The following CACNB2 variants were observed in gnomAD, a reference collection of about 807,000 sequenced individuals.
The protein encoded by CACNB2 is calcium voltage-gated channel auxiliary subunit beta 2, also known as voltage-dependent L-type calcium channel subunit beta-2.
CACNB2 carries 42 observed loss-of-function variants against 73.3 expected under a neutral mutation model. The observed-to-expected ratio is 0.57, with a 90% CI of 0.45 to 0.74. The LOEUF (loss-of-function observed/expected upper bound fraction) is 0.74, where lower values mean the gene tolerates loss of function less well. Ranked by LOEUF, CACNB2 falls within the 30% of genes least tolerant of loss-of-function variation. The pLI is 0.00. For synonymous variants in CACNB2, 348 were observed against 310.3 expected, an observed-to-expected ratio of 1.12 and a Z score of -1.28; for missense variants, 940 against 853.0, an observed-to-expected ratio of 1.10 and a Z score of -1.27.
intron 2 of CACNB2, among the ~76,000 whole-genome samples, chr10:18,326,501 C>T (rs2040594831): frequency 6.6e-6 from 1 of 152,178 alleles, no homozygotes; most frequent in Non-Finnish European, 1.5e-5. Flanking sequence ...AAACAGAGTT[C>T]CTCCTTCATC....
chr10:18,158,957 A>C (rs115163762), intron 2 of CACNB2, among the ~76,000 whole-genome samples: 1,677 of 152,028 alleles, frequency 0.011, 31 homozygotes, highest in African/African-American at 0.038. Flanking sequence ...ATGAGGGGGG[A>C]GGTAGAGGAG....
intron 3 of CACNB2, among the ~76,000 whole-genome samples, chr10:18,492,519 G>A (rs1033381572): frequency 6.6e-6 from 1 of 150,916 alleles, no homozygotes; most frequent in Non-Finnish European, 1.5e-5. Context: ...TACTTGGGAG[G>A]CTGAGGCAAG....
intron 7 of CACNB2, among the ~76,000 whole-genome samples, chr10:18,517,633 GAC>G (rs1333889753): frequency 6.6e-6 from 1 of 152,108 alleles, no homozygotes; most frequent in Non-Finnish European, 1.5e-5. Context: ...TTCCCTCGAA[GAC>G]ACATAAACCT....
intron 3 of CACNB2, among the ~76,000 whole-genome samples, chr10:18,462,084 G>A (rs540134570): frequency 9.9e-5 from 15 of 152,184 alleles, no homozygotes; most frequent in East Asian, 9.7e-4. Context: ...CCATGCACAC[G>A]AACTTCTTGC....
chr10:18,141,464 A>C (rs2030396343), intron 1 of CACNB2, among the ~76,000 whole-genome samples: 3 of 152,180 alleles, frequency 2.0e-5, no homozygotes, highest in African/African-American at 7.2e-5. Flanking sequence ...GTCCCACCTC[A>C]TGCCTTTCCC....
intron 2 of CACNB2, among the ~76,000 whole-genome samples, chr10:18,164,315 G>C (rs2032689149): frequency 6.6e-6 from 1 of 152,136 alleles, no homozygotes. Flanking sequence ...CGCAGAAGTG[G>C]TCATTAGTGG....
chr10:18,471,858 G>A (rs2048203536), intron 3 of CACNB2, among the ~76,000 whole-genome samples: 1 of 152,194 alleles, frequency 6.6e-6, no homozygotes, highest in South Asian at 2.1e-4. Context: ...CTGTAAAGAT[G>A]TTTTAAAAAT....
intron 2 of CACNB2, among the ~76,000 whole-genome samples, chr10:18,275,976 G>T (rs2038270038): frequency 6.6e-6 from 1 of 152,182 alleles, no homozygotes; most frequent in Non-Finnish European, 1.5e-5. Flanking sequence ...CAGATTTAAT[G>T]AGGAAATTCT....
At chr10:18,203,874 C>T (rs1006303435) in intron 2 of CACNB2, among the ~76,000 whole-genome samples, 2 of 152,162 alleles carry the variant, frequency 1.3e-5, no homozygotes, top group Non-Finnish European at 2.9e-5. Flanking sequence ...TTTTCACAAT[C>T]CATGTTTCTC....
At position 18,342,044 on chromosome 10, in the gene CACNB2, G is replaced by A. The variant is rs906886514; in HGVS notation, c.214-59880G>A. On this transcript the variant is annotated intron_variant, in intron 2 of 13. Coordinates refer to ENST00000324631, the MANE Select transcript of CACNB2 (RefSeq NM_201596.3). ...GGTTTCTGGGCATTAGATATGTCAC[G>A]CCCACCTATCAAATGCTACTCATGT... is the stretch of plus-strand genomic sequence containing the variant. Among the ~76,000 whole-genome samples the A allele has an allele frequency of 2.0e-5, 3 of 151,984 alleles. No individual in the cohort carries two copies. In the East Asian group the frequency reaches 5.8e-4, roughly 29 times the overall value.
chr10:18,349,263 T>C (rs1013555958), intron 2 of CACNB2, among the ~76,000 whole-genome samples: 3 of 152,196 alleles, frequency 2.0e-5, no homozygotes, highest in African/African-American at 7.2e-5. Flanking sequence ...AAGGATGTGA[T>C]GCTGTGGCTG....
At chr10:18,435,579 G>T (rs534567562) in intron 3 of CACNB2, among the ~76,000 whole-genome samples, 1 of 152,182 alleles carries the variant, frequency 6.6e-6, no homozygotes, top group South Asian at 2.1e-4. Flanking sequence ...GCTCACTGCA[G>T]CCTCGACCTC....
rs748893112 is a variant in CACNB2, at chr10:18,429,808, G to GAA, written c.333+27782_333+27783dup. Reference sequence around the variant, plus strand: ...AACATAGCAAGACTCCGTCTCTACCGAAAAAAAAAAAAAAAAAACAAATTA... The same window carrying GAA: ...AACATAGCAAGACTCCGTCTCTACCGAAAAAAAAAAAAAAAAAAAACAAATTA... On this transcript the variant is annotated intron_variant, in intron 3 of 13. Transcript: ENST00000324631. 1.8e-3 allele frequency among the ~76,000 whole-genome samples: 132 copies of GAA among 71,688 alleles called. 3 individuals are homozygous for GAA. Among genetic ancestry groups the GAA allele is most frequent in the Middle Eastern group, 7.5e-3 (1 of 134 alleles). The allele number at this position is 71,688 out of a possible 152,430, so 47.0% of individuals were successfully genotyped here.
chr10:18,266,019 A>G (rs1206763021), intron 2 of CACNB2, among the ~76,000 whole-genome samples: 3 of 152,240 alleles, frequency 2.0e-5, no homozygotes, highest in African/African-American at 7.2e-5. Flanking sequence ...TTGAGCTTTT[A>G]GAGCATTTAA....
chr10:18,389,874 CAG>C (rs994736442), intron 2 of CACNB2, among the ~76,000 whole-genome samples: 4 of 152,168 alleles, frequency 2.6e-5, no homozygotes, highest in Non-Finnish European at 4.4e-5. Flanking sequence ...ACATCTTTTC[CAG>C]ATGCTTATGG....
At chr10:18,372,842 A>G (rs983108927) in intron 2 of CACNB2, among the ~76,000 whole-genome samples, 30 of 152,222 alleles carry the variant, frequency 2.0e-4, no homozygotes, top group Admixed American at 1.8e-3. Context: ...ATGAGTTAGT[A>G]TATTTCACAT....
At chr10:18,156,131 A>C (rs2131064608) in intron 2 of CACNB2, among the ~76,000 whole-genome samples, 1 of 152,340 alleles carries the variant, frequency 6.6e-6, no homozygotes, top group Middle Eastern at 3.4e-3. Context: ...AAGGGTAAAA[A>C]GCATTTACCA....
At chr10:18,524,328 C>G (rs2052232586) in intron 9 of CACNB2, among the ~76,000 whole-genome samples, 1 of 151,834 alleles carries the variant, frequency 6.6e-6, no homozygotes, top group South Asian at 2.1e-4. Flanking sequence ...TATACCATTG[C>G]CAGAATCTTC....
chr10:18,152,709 C>CA (rs772732675), intron 2 of CACNB2, among the ~76,000 whole-genome samples: 4,063 of 48,138 alleles, frequency 0.084, 64 homozygotes, highest in Non-Finnish European at 0.1. Flanking sequence ...TGAAACAGAC[C>CA]AAAAAAAAAA....
Sources: gnomAD v4.1 joint callset for allele counts (sites outside exome capture counted in the v4.1 genomes callset) on GRCh38, gnomAD v4.1.1 for gene constraint, MANE v1.5 for transcripts, NCBI Gene and HGNC (gene_info 2026-07-23, HGNC 2026-07-21) for gene names.